The following SERPINE2 variants were observed in gnomAD, a reference collection of about 807,000 sequenced individuals.
The protein encoded by SERPINE2 is serpin family E member 2, also known as glia-derived nexin.
In SERPINE2, 14 loss-of-function variants were observed where a neutral mutation model predicts 36.3. The observed-to-expected ratio is 0.39, with a 90% CI of 0.25 to 0.60. The LOEUF (loss-of-function observed/expected upper bound fraction) is 0.60, where lower values mean the gene tolerates loss of function less well. SERPINE2 is among the 20% of genes least tolerant of loss of function. The pLI, the probability that SERPINE2 is intolerant of heterozygous loss-of-function variation, is 0.57. For synonymous variants in SERPINE2, 192 were observed against 191.8 expected (o/e 1.00, Z -0.01); for missense variants, 418 against 499.6 (o/e 0.84, Z 1.56).
At chr2:223,995,081 G>A (rs1394121431) in intron 3 of SERPINE2, among the ~76,000 whole-genome samples, 1 of 152,206 alleles carries the variant, frequency 6.6e-6, no homozygotes, top group Non-Finnish European at 1.5e-5. Flanking sequence ...TATGTGTGCG[G>A]TTCTCCAACA....
chr2:223,989,233 T>C (rs1167954564), intron 4 of SERPINE2, among the ~76,000 whole-genome samples: 1 of 152,234 alleles, frequency 6.6e-6, no homozygotes, highest in African/African-American at 2.4e-5. Context: ...TTTCTTCTCT[T>C]CTAGTTTTCA....
At chr2:224,035,443 C>T (rs1037696692) in intron 1 of SERPINE2, among the ~76,000 whole-genome samples, 3 of 151,982 alleles carry the variant, frequency 2.0e-5, no homozygotes, top group East Asian at 1.9e-4. Flanking sequence ...AGAACAGTGG[C>T]GCCATCTCAG....
In SERPINE2 at chr2:224,024,241, A is replaced by G. The variant is rs907243232; in HGVS notation, c.-23+14858T>C. Among the ~76,000 whole-genome samples the G allele has an allele frequency of 2.6e-5, 4 of 152,224 alleles. No individual in the cohort carries two copies. The South Asian group carries it at 8.3e-4, about 32-fold the overall frequency. ...GCCTTTTGCTTTCTTCCTTCAGTAC[A>G]AAGAGTTTGCAAAGAAAATCTCAAA... On this transcript the variant is annotated intron_variant, in intron 1 of 8. Transcript: ENST00000409304.
intron 3 of SERPINE2, among the ~76,000 whole-genome samples, chr2:223,995,992 G>A (rs544365272): frequency 2.6e-5 from 4 of 152,304 alleles, no homozygotes; most frequent in African/African-American, 9.6e-5. Flanking sequence ...ATTTGTGTGT[G>A]TGCATAGAGT....
chr2:224,025,693 C>A (rs1037347678), intron 1 of SERPINE2, among the ~76,000 whole-genome samples: 6 of 152,226 alleles, frequency 3.9e-5, no homozygotes, highest in African/African-American at 9.6e-5. Flanking sequence ...AAGCACAGCA[C>A]CTCCTTACCT....
intron 1 of SERPINE2, among the ~76,000 whole-genome samples, chr2:224,007,927 C>T (rs150568434): frequency 2.0e-5 from 3 of 152,354 alleles, no homozygotes; most frequent in African/African-American, 4.8e-5. Context: ...CTGCAAGCTA[C>T]GGCCCATGGG....
At chr2:224,019,492 C>T (rs1691919278) in intron 1 of SERPINE2, among the ~76,000 whole-genome samples, 1 of 152,142 alleles carries the variant, frequency 6.6e-6, no homozygotes, top group African/African-American at 2.4e-5. Flanking sequence ...CTAACTGGAT[C>T]ACTGTCATCT....
intron 4 of SERPINE2, among the ~76,000 whole-genome samples, chr2:223,986,335 G>A (rs3820766): frequency 0.052 from 7,841 of 152,174 alleles, 355 homozygotes; most frequent in East Asian, 0.21. Flanking sequence ...CAGTAACCCG[G>A]GTGCAGCTCG....
At chr2:224,021,912 C>T (rs978786844) in intron 1 of SERPINE2, among the ~76,000 whole-genome samples, 1 of 152,060 alleles carries the variant, frequency 6.6e-6, no homozygotes, top group Admixed American at 6.6e-5. Context: ...GTAATCCCAG[C>T]ACTTTGGGAG....
intron 1 of SERPINE2, among the ~76,000 whole-genome samples, chr2:224,003,809 C>G (rs1285275586): frequency 1.3e-5 from 2 of 152,188 alleles, no homozygotes; most frequent in Non-Finnish European, 2.9e-5. Flanking sequence ...TCCCGTGGAG[C>G]CAATGTGTCC....
intron 1 of SERPINE2, among the ~76,000 whole-genome samples, chr2:224,020,197 T>C (rs544419650): frequency 1.1e-4 from 16 of 152,236 alleles, no homozygotes; most frequent in East Asian, 5.8e-4. Flanking sequence ...TGAACAACCA[T>C]GGAAAGGTTG....
Position 223,975,588 on chromosome 2 carries a change from T to C in SERPINE2, c.*279A>G, listed in dbSNP as rs1689975600. 6.3e-6 allele frequency: 2 copies of C among 318,252 alleles called. No individual in the cohort carries two copies. Among genetic ancestry groups the C allele is most frequent in the African/African-American group, 2.1e-5 (1 of 46,872 alleles). 19.7% of individuals were successfully genotyped at this position (318,252 alleles called of 1,614,324 possible). On this transcript the variant is annotated 3_prime_UTR_variant, in exon 9 of 9. Coordinates refer to ENST00000409304, the MANE Select transcript of SERPINE2 (RefSeq NM_001136528.2). ...GACAAACAGCAAATACTCAACAGGG[T>C]TGTTAACCTAGGTAACAGTTCAGTA... is the stretch of plus-strand genomic sequence containing the variant.
At chr2:224,031,374 G>C in intron 1 of SERPINE2, 1 of 985,506 alleles carries the variant, frequency 1.0e-6, no homozygotes, top group Non-Finnish European at 1.2e-6. Flanking sequence ...CGAGGCTCTA[G>C]GAGACCACAT....
intron 2 of SERPINE2, among the ~76,000 whole-genome samples, chr2:223,998,613 G>A (rs1033321773): frequency 2.0e-5 from 3 of 152,170 alleles, no homozygotes; most frequent in African/African-American, 7.2e-5. Context: ...TACTTGAGGA[G>A]GCTGAGGTGG....
At chr2:224,033,721 A>G (rs1692450692) in intron 1 of SERPINE2, among the ~76,000 whole-genome samples, 1 of 152,124 alleles carries the variant, frequency 6.6e-6, no homozygotes, top group Non-Finnish European at 1.5e-5. Context: ...GTTAATAGAA[A>G]TAAACCAAAA....
chr2:224,011,980 A>G (rs16865466), intron 1 of SERPINE2, among the ~76,000 whole-genome samples: 3,248 of 152,262 alleles, frequency 0.021, 86 homozygotes, highest in African/African-American at 0.06. Context: ...TACCTCGGTC[A>G]ATTACTAGTG....
chr2:224,004,055 T>A (rs1691295559), intron 1 of SERPINE2, among the ~76,000 whole-genome samples: 1 of 152,258 alleles, frequency 6.6e-6, no homozygotes, highest in African/African-American at 2.4e-5. Context: ...AGATGTTCAA[T>A]AAACACTTGT....
At chr2:224,038,689 T>C in intron 1 of SERPINE2, 1 of 645,336 alleles carries the variant, frequency 1.5e-6, no homozygotes, top group East Asian at 2.7e-5. Context: ...GCAGCCTAAG[T>C]CCGGGGTAGG....
At chr2:224,009,981 G>T (rs1691568508) in intron 1 of SERPINE2, among the ~76,000 whole-genome samples, 1 of 152,116 alleles carries the variant, frequency 6.6e-6, no homozygotes, top group African/African-American at 2.4e-5. Flanking sequence ...ATCTGTATAA[G>T]CATTACTGAA....
Sources: allele counts gnomAD v4.1 joint callset (sites outside exome capture counted in the v4.1 genomes callset), GRCh38; gene constraint gnomAD v4.1.1; transcripts MANE v1.5; gene names NCBI Gene and HGNC (gene_info 2026-07-23, HGNC 2026-07-21).